The following PCDHA13 variants were observed in gnomAD, a reference collection of about 807,000 sequenced individuals.
The protein encoded by PCDHA13 is protocadherin alpha-13.
A neutral mutation model predicts 64.8 loss-of-function variants in PCDHA13; 54 were observed. That is an observed-to-expected ratio of 0.83 (90% CI 0.67 to 1.04). The LOEUF is 1.04. Among genes scored for constraint, PCDHA13 ranks in the 50% least tolerant of loss-of-function variants. The pLI is 0.00. For synonymous variants in PCDHA13, 587 were observed against 564.4 expected (o/e 1.04, Z -0.57); for missense variants, 1,248 against 1,254.3 (o/e 0.99, Z 0.08).
intron 1 of PCDHA13, among the ~76,000 whole-genome samples, chr5:140,923,931 A>T (rs1216808903): frequency 2.6e-5 from 4 of 152,118 alleles, no homozygotes; most frequent in Non-Finnish European, 4.4e-5. Flanking sequence ...CTCTGTATGC[A>T]TTTTTCCTTT....
chr5:140,964,596 G>A (rs1368654948), intron 1 of PCDHA13, among the ~76,000 whole-genome samples: 2 of 152,104 alleles, frequency 1.3e-5, no homozygotes, highest in African/African-American at 4.8e-5. Flanking sequence ...CACTTTTCAT[G>A]ACAACTTACA....
At chr5:140,897,486 A>G (rs183789033) in intron 1 of PCDHA13, among the ~76,000 whole-genome samples, 2 of 151,962 alleles carry the variant, frequency 1.3e-5, no homozygotes, top group Admixed American at 6.5e-5. Flanking sequence ...ATGATTTCCA[A>G]TTTCAACCAT....
rs35184029 is a variant in PCDHA13 at position 140,997,668 on chromosome 5, TTGTGTG to T, written c.2543-11935_2543-11930del. Among the ~76,000 whole-genome samples the T allele has an allele frequency of 3.7e-4, 55 of 148,336 alleles. 1 individual carries two copies. The South Asian group carries it at 5.8e-3, about 16-fold the overall frequency. On this transcript the variant is annotated intron_variant, in intron 3 of 3. Coordinates refer to ENST00000289272, the MANE Select transcript of PCDHA13 (RefSeq NM_018904.3). ...AATGCAATATGTATTATTATACAGC[TTGTGTG>T]TGTGTGTGTGTGTGTGTGTGTGTAT...
rs189785800 is a variant in PCDHA13 at position 141,012,340 on chromosome 5, G to A, written c.*2403G>A. ...TTATTGCTAATAAATGAAAATGGTG[G>A]TATGAAAGAAATGGTGGTCATTTCT... On this transcript the variant is annotated 3_prime_UTR_variant, in exon 4 of 4. Transcript: ENST00000289272. The A allele has an allele frequency of 3.6e-4, 55 of 153,812 alleles. No homozygotes were observed. The East Asian group carries it at 9.6e-3, about 27-fold the overall frequency. 9.5% of individuals were successfully genotyped at this position (153,812 alleles called of 1,614,324 possible).
rs57893927 is a variant in PCDHA13, at chr5:140,946,631, T to TATATATATATATATATAC, written c.2395-32317_2395-32316insTATATATATATATATACA. Among the ~76,000 whole-genome samples, 374 of 131,796 alleles carry TATATATATATATATATAC rather than the reference T, an allele frequency of 2.8e-3. 24 individuals carry two copies. The highest frequency in any genetic ancestry group is 0.011 in the African/African-American group (320 of 28,670). 86.5% of individuals were successfully genotyped at this position (131,796 alleles called of 152,430 possible). ...TGTGAAATATATATATATATATATA[T>TATATATATATATATATAC]ACAATGGAATACTCATCAGCCATTA... On this transcript the variant is annotated intron_variant, in intron 1 of 3. Coordinates refer to ENST00000289272, the MANE Select transcript of PCDHA13 (RefSeq NM_018904.3).
intron 1 of PCDHA13, among the ~76,000 whole-genome samples, chr5:140,899,497 T>G (rs2067365308): frequency 6.6e-6 from 1 of 152,254 alleles, no homozygotes; most frequent in South Asian, 2.1e-4. Context: ...TTACATTTAT[T>G]GATTTGCATA....
chr5:140,928,860 G>T, intron 1 of PCDHA13: 8 of 1,614,154 alleles, frequency 5.0e-6, no homozygotes, highest in Non-Finnish European at 6.8e-6. Flanking sequence ...GTGTGCTGTT[G>T]AGCAACTCTG....
rs2096830970 is a variant in PCDHA13, at chr5:140,978,991, A to C, written c.2437A>C (p.Arg813=). Residue 813 remains arginine, a synonymous_variant, in exon 2 of 4, where the codon AGA becomes CGA. Coordinates refer to ENST00000289272, the MANE Select transcript of PCDHA13 (RefSeq NM_018904.3). ...TGACTGGCGTTACTCTGCCTCCCTG[A>C]GAGCAGGCATGCACAGGTATGTATT... ...NPDWRYSASL[R]AGMHSSVHLE... is the part of the protein sequence containing the mutation. 1.2e-6 allele frequency: 2 copies of C among 1,614,188 alleles called. No individual in the cohort carries two copies. Among genetic ancestry groups the C allele is most frequent in the East Asian group, 2.2e-5 (1 of 44,882 alleles).
intron 1 of PCDHA13, chr5:140,967,709 G>A (rs1554229820): frequency 3.1e-6 from 5 of 1,614,022 alleles, no homozygotes; most frequent in Admixed American, 3.3e-5. Flanking sequence ...TGCCAGTACC[G>A]GGGAAGTGCG....
chr5:141,010,282 A>C lies in PCDHA13; in HGVS notation c.*345A>C, dbSNP rs375556483. The C allele has an allele frequency of 6.4e-7, 1 of 1,551,130 alleles. No homozygotes were observed. Among genetic ancestry groups the C allele is most frequent in the Admixed American group, 2.0e-5 (1 of 50,878 alleles). On this transcript the variant is annotated 3_prime_UTR_variant, in exon 4 of 4. Transcript: ENST00000289272. ...GTGCTCCGGGGATCCTGTCTTGATGACACTTGCAGGGCAGGCTGAAAAGTT... is the reference window on the plus strand; with the variant it reads ...GTGCTCCGGGGATCCTGTCTTGATGCCACTTGCAGGGCAGGCTGAAAAGTT...
intron 1 of PCDHA13, chr5:140,966,941 G>C (rs1554228938): frequency 1.9e-6 from 3 of 1,604,498 alleles, no homozygotes; most frequent in Non-Finnish European, 2.5e-6. Context: ...CGCGCTCGTG[G>C]GCAACGTGGC....
intron 1 of PCDHA13, among the ~76,000 whole-genome samples, chr5:140,938,406 T>C (rs1283027205): frequency 6.6e-6 from 1 of 152,240 alleles, no homozygotes; most frequent in African/African-American, 2.4e-5. Flanking sequence ...ATTGTTTGAT[T>C]GGGTTTATTT....
intron 3 of PCDHA13, among the ~76,000 whole-genome samples, chr5:141,008,075 G>A (rs1002549445): frequency 2.0e-5 from 3 of 152,004 alleles, no homozygotes; most frequent in Non-Finnish European, 1.5e-5. Flanking sequence ...GAACTTATTG[G>A]GGTTATTCTA....
chr5:140,906,824 G>A (rs2072970432), intron 1 of PCDHA13, among the ~76,000 whole-genome samples: 1 of 152,216 alleles, frequency 6.6e-6, no homozygotes, highest in African/African-American at 2.4e-5. Flanking sequence ...CTGTGGAGTA[G>A]TAGACTGATT....
chr5:140,981,026 A>T (rs1300851844), intron 2 of PCDHA13, among the ~76,000 whole-genome samples: 3 of 152,088 alleles, frequency 2.0e-5, no homozygotes, highest in Admixed American at 6.5e-5. Flanking sequence ...GGCTGTTAAT[A>T]TTTGGGGAAA....
intron 1 of PCDHA13, among the ~76,000 whole-genome samples, chr5:140,941,207 CT>C (rs880001940): frequency 0.13 from 13,079 of 103,138 alleles, 665 homozygotes; most frequent in African/African-American, 0.21. Context: ...TTCTTCCTTT[CT>C]TTCTTCCTTT....
intron 1 of PCDHA13, among the ~76,000 whole-genome samples, chr5:140,906,707 CT>C (rs1554192656): frequency 6.6e-6 from 1 of 152,198 alleles, no homozygotes; most frequent in Non-Finnish European, 1.5e-5. Flanking sequence ...ATTTGTAGTC[CT>C]GCCTGGATTG....
At position 140,916,114 on chromosome 5, in the gene PCDHA13, G is replaced by A. The variant is rs533496476; in HGVS notation, c.2394+31452G>A. On this transcript the variant is annotated intron_variant, in intron 1 of 3. Transcript: ENST00000289272. ...GGGAATCTGCCTGGCCACTGCTGAT[G>A]TTCACTTAAAGCTTAAGGGCTGTTC... 5.9e-5 allele frequency among the ~76,000 whole-genome samples: 9 copies of A among 152,238 alleles called. No homozygotes were observed. In the East Asian group the frequency reaches 1.7e-3, roughly 29 times the overall value.
In PCDHA13 at chr5:140,883,991, G is replaced by A. The variant is rs1475054823; in HGVS notation, c.1723G>A (p.Gly575Ser). ...GACGCCCGGGGCTGGCAGCGCGGGA[G>A]GCACAGTGAGCGAGCTGATGCCGCG... Reference protein sequence around the residue: ...LLTPGAGSAGGTVSELMPRSV... With the variant: ...LLTPGAGSAGSTVSELMPRSV... Residue 575 changes from glycine to serine, a missense_variant, in exon 1 of 4, where the codon GGC becomes AGC. By Grantham distance (56) the Gly-to-Ser change is moderately conservative (BLOSUM62 0). Transcript: ENST00000289272. 2 of 1,612,972 alleles carry A rather than the reference G, an allele frequency of 1.2e-6. No individual in the cohort carries two copies. The highest frequency in any genetic ancestry group is 2.2e-5 in the East Asian group (1 of 44,862).
Sources: gnomAD v4.1 joint callset for allele counts (sites outside exome capture counted in the v4.1 genomes callset) on GRCh38, gnomAD v4.1.1 for gene constraint, MANE v1.5 for transcripts, NCBI Gene and HGNC (gene_info 2026-07-23, HGNC 2026-07-21) for gene names.